The following TRHDE variants were observed in gnomAD, a reference collection of about 807,000 sequenced individuals.
TRHDE encodes thyrotropin releasing hormone degrading enzyme, also known as thyrotropin-releasing hormone-degrading ectoenzyme.
In TRHDE, 72 loss-of-function variants were observed where a neutral mutation model predicts 125.7. The observed-to-expected ratio is 0.57, with a 90% CI of 0.47 to 0.70. The LOEUF is 0.70. Among genes scored for constraint, TRHDE ranks in the 30% least tolerant of loss-of-function variants. TRHDE has a pLI of 0.00. For synonymous variants in TRHDE, 509 were observed against 509.1 expected (o/e 1.00, Z 0.00); for missense variants, 1,110 against 1,327.1 (o/e 0.84, Z 2.54).
chr12:72,187,878 G>A (rs1301752119), intron 2 of TRHDE, among the ~76,000 whole-genome samples: 6 of 152,158 alleles, frequency 3.9e-5, no homozygotes, highest in Non-Finnish European at 7.4e-5. Flanking sequence ...CAGATTAAAT[G>A]TAGCTAAGAT....
chr12:72,590,572 G>A (rs972794921), intron 12 of TRHDE, among the ~76,000 whole-genome samples: 1 of 152,026 alleles, frequency 6.6e-6, no homozygotes, highest in Non-Finnish European at 1.5e-5. Flanking sequence ...TCATTATGAA[G>A]TATCTTCCTT....
chr12:72,417,306 A>C (rs1873772043), intron 3 of TRHDE, among the ~76,000 whole-genome samples: 1 of 152,050 alleles, frequency 6.6e-6, no homozygotes, highest in African/African-American at 2.4e-5. Flanking sequence ...TTAATATGTT[A>C]TCTCAATAGA....
chr12:72,267,600 C>A (rs1431507098), upstream of TRHDE, among the ~76,000 whole-genome samples: 13 of 151,838 alleles, frequency 8.6e-5, no homozygotes, highest in Admixed American at 8.5e-4. Context: ...GAGCTCTTAT[C>A]ACACCATTGC....
chr12:72,468,556 T>C (rs1876494141), intron 3 of TRHDE, among the ~76,000 whole-genome samples: 1 of 152,218 alleles, frequency 6.6e-6, no homozygotes. Context: ...GGCATTGTGA[T>C]TGAAAGCACA....
At chr12:72,147,007 A>G (rs1566245928) in intron 2 of TRHDE, among the ~76,000 whole-genome samples, 1 of 151,758 alleles carries the variant, frequency 6.6e-6, no homozygotes, top group South Asian at 2.1e-4. Flanking sequence ...CCCTGGCCGA[A>G]CTCCCCTCGG....
chr12:72,185,164 G>C (rs565136655), intron 2 of TRHDE, among the ~76,000 whole-genome samples: 2 of 152,332 alleles, frequency 1.3e-5, no homozygotes, highest in African/African-American at 4.8e-5. Flanking sequence ...TGCTGGCCCC[G>C]GGCAATGAGG....
Position 72,391,526 on chromosome 12 carries a change from G to A in TRHDE, c.1315+13405G>A, listed in dbSNP as rs569978677. Among the ~76,000 whole-genome samples the A allele has an allele frequency of 2.6e-4, 39 of 152,078 alleles. 1 individual carries two copies. In the South Asian group the frequency reaches 4.4e-3, roughly 17 times the overall value. On this transcript the variant is annotated intron_variant, in intron 3 of 18. Coordinates refer to ENST00000261180, the MANE Select transcript of TRHDE (RefSeq NM_013381.3). Reference sequence around the variant, plus strand: ...TTTTTTCCTTATGGGTTCTGTCTTCGTATGGTAAATAATTCACAAATGACC... The same window carrying A: ...TTTTTTCCTTATGGGTTCTGTCTTCATATGGTAAATAATTCACAAATGACC...
chr12:72,133,498 A>G (rs555394294), intron 2 of TRHDE, among the ~76,000 whole-genome samples: 1 of 152,200 alleles, frequency 6.6e-6, no homozygotes, highest in Non-Finnish European at 1.5e-5. Context: ...AAGAAGTCCT[A>G]TTATAAGATG....
At chr12:72,174,234 G>A (rs944150912) in intron 2 of TRHDE, among the ~76,000 whole-genome samples, 1 of 152,140 alleles carries the variant, frequency 6.6e-6, no homozygotes, top group African/African-American at 2.4e-5. Flanking sequence ...TCGTTAGTGT[G>A]AGTGAGGTCA....
At position 72,520,768 on chromosome 12, in the gene TRHDE, G is replaced by A. The variant is rs1056407916; in HGVS notation, c.1722+21133G>A. ...TTTTTAGAAATGGAGCTCTGGGTTC[G>A]ATCTAAGTCTTAAAGTAATAAGGTT... On this transcript the variant is annotated intron_variant, in intron 6 of 18. Transcript: ENST00000261180. Among the ~76,000 whole-genome samples, 90 of 152,218 alleles carry A rather than the reference G, an allele frequency of 5.9e-4. 1 individual carries two copies. The highest frequency in any genetic ancestry group is 1.9e-3 in the African/African-American group (79 of 41,544).
At chr12:72,564,181 T>G (rs192109567) in intron 9 of TRHDE, among the ~76,000 whole-genome samples, 105 of 152,300 alleles carry the variant, frequency 6.9e-4, no homozygotes, top group South Asian at 5.8e-3. Flanking sequence ...AATCCAACTG[T>G]GTAGACTCAT....
chr12:72,459,940 A>T (rs73344472), intron 3 of TRHDE, among the ~76,000 whole-genome samples: 1 of 152,124 alleles, frequency 6.6e-6, no homozygotes, highest in African/African-American at 2.4e-5. Context: ...TTTTTGTGCC[A>T]GTTCCCAGAG....
intron 15 of TRHDE, among the ~76,000 whole-genome samples, chr12:72,640,326 G>A (rs374861938): frequency 3.4e-4 from 52 of 152,314 alleles, no homozygotes; most frequent in Admixed American, 1.2e-3. Context: ...GACCCCCTGC[G>A]CTTCCCGAGT....
chr12:72,276,847 G>A (rs921154154), intron 1 of TRHDE, among the ~76,000 whole-genome samples: 1 of 152,128 alleles, frequency 6.6e-6, no homozygotes, highest in Admixed American at 6.5e-5. Flanking sequence ...TGTGCAGCAG[G>A]CAGATAAAAA....
intron 3 of TRHDE, among the ~76,000 whole-genome samples, chr12:72,382,716 C>T (rs1458419259): frequency 6.6e-6 from 1 of 152,148 alleles, no homozygotes; most frequent in Non-Finnish European, 1.5e-5. Context: ...GCAAAACAGA[C>T]AAACAAGAAA....
chr12:72,520,614 C>T (rs376859997), intron 6 of TRHDE, among the ~76,000 whole-genome samples: 2 of 152,180 alleles, frequency 1.3e-5, no homozygotes, highest in African/African-American at 2.4e-5. Flanking sequence ...GTGTTGCTCA[C>T]GCTGGGAGCT....
rs928196152 is a variant in TRHDE at position 72,427,766 on chromosome 12, C to T, written c.1316-41992C>T. On this transcript the variant is annotated intron_variant, in intron 3 of 18. Transcript: ENST00000261180. Reference sequence around the variant, plus strand: ...ATCTGCCATCTGAGATTGAGAGAGCCCTTTCTCTTTATGTGTTCATGCACA... The same window carrying T: ...ATCTGCCATCTGAGATTGAGAGAGCTCTTTCTCTTTATGTGTTCATGCACA... Among the ~76,000 whole-genome samples the T allele has an allele frequency of 7.9e-5, 12 of 152,190 alleles. No individual in the cohort carries two copies. The East Asian group carries it at 2.3e-3, about 29-fold the overall frequency.
rs186761318 is a variant in TRHDE at position 72,357,056 on chromosome 12, C to A, written c.1189-20939C>A. Reference sequence around the variant, plus strand: ...TTTAATCTGTATTCAGTTCTCTCTGCTTTTATGTATACTTAAAACTTTCCA... The same window carrying A: ...TTTAATCTGTATTCAGTTCTCTCTGATTTTATGTATACTTAAAACTTTCCA... On this transcript the variant is annotated intron_variant, in intron 2 of 18. Coordinates refer to ENST00000261180, the MANE Select transcript of TRHDE (RefSeq NM_013381.3). 2.0e-5 allele frequency among the ~76,000 whole-genome samples: 3 copies of A among 151,654 alleles called. No individual in the cohort carries two copies. In the Admixed American group the frequency reaches 2.0e-4, roughly 10 times the overall value.
chr12:72,516,745 A>G (rs1019712134), intron 6 of TRHDE, among the ~76,000 whole-genome samples: 2 of 151,126 alleles, frequency 1.3e-5, no homozygotes, highest in East Asian at 1.9e-4. Flanking sequence ...GAATGCTTCC[A>G]GTTTTTGCCC....
Sources: allele counts gnomAD v4.1 joint callset (sites outside exome capture counted in the v4.1 genomes callset), GRCh38; gene constraint gnomAD v4.1.1; transcripts MANE v1.5; gene names NCBI Gene and HGNC (gene_info 2026-07-23, HGNC 2026-07-21).